Variants in SUGCT observed in about 807,000 individuals in gnomAD.
The protein encoded by SUGCT is succinyl-CoA:glutarate-CoA transferase, also known as succinyl-CoA:glutarate CoA-transferase.
Under a neutral mutation model 55.0 loss-of-function variants are expected in SUGCT, and 41 were observed. That is an observed-to-expected ratio of 0.74 (90% confidence interval 0.58 to 0.97). The LOEUF (loss-of-function observed/expected upper bound fraction) is 0.97. Among genes scored for constraint, SUGCT ranks in the 50% least tolerant of loss-of-function variants. The pLI is 0.00. For missense variants in SUGCT, 568 were observed against 547.8 expected (o/e 1.04, Z -0.37); for synonymous variants, 187 against 200.4 (o/e 0.93, Z 0.56).
At chr7:40,201,180 A>G (rs1049417583) in intron 6 of SUGCT, among the ~76,000 whole-genome samples, 3 of 152,284 alleles carry the variant, frequency 2.0e-5, no homozygotes, top group Non-Finnish European at 4.4e-5. Flanking sequence ...ATAAGAAAGG[A>G]AGGAAGAGGG....
chr7:40,504,160 TTAAAG>T (rs1254846957), intron 12 of SUGCT, among the ~76,000 whole-genome samples: 3 of 152,230 alleles, frequency 2.0e-5, no homozygotes, highest in African/African-American at 7.2e-5. Context: ...TTCTGGAGAC[TTAAAG>T]TACAGTATAG....
the SUGCT span, among the ~76,000 whole-genome samples, chr7:41,009,670 ATCCATCCGTCCT>A: frequency 2.0e-5 from 3 of 150,484 alleles, no homozygotes; most frequent in Non-Finnish European, 4.4e-5. Flanking sequence ...TCCATCCACC[ATCCATCCGTCCT>A]TCCATCCACT....
the SUGCT span, among the ~76,000 whole-genome samples, chr7:40,956,268 T>C: frequency 1.1e-4 from 17 of 152,294 alleles, 1 homozygote; most frequent in South Asian, 3.1e-3. Context: ...TGGTTTTTTT[T>C]GGTTGCTAGG....
the SUGCT span, among the ~76,000 whole-genome samples, chr7:40,902,579 C>CA: frequency 0.37 from 46,155 of 123,688 alleles, 9,259 homozygotes; most frequent in East Asian, 0.57. Context: ...GACTCCATCT[C>CA]AAAAAAAAAA....
intron 13 of SUGCT, among the ~76,000 whole-genome samples, chr7:40,818,049 C>T (rs1390450263): frequency 6.6e-6 from 1 of 152,190 alleles, no homozygotes; most frequent in East Asian, 1.9e-4. Flanking sequence ...AAACTCTACT[C>T]ATGCAACCAG....
intron 13 of SUGCT, among the ~76,000 whole-genome samples, chr7:40,830,408 T>C (rs2128777057): frequency 6.6e-6 from 1 of 152,280 alleles, no homozygotes. Flanking sequence ...GCACTAGTCA[T>C]GAAGACCCCT....
At chr7:40,444,567 T>C (rs1385507488) in intron 9 of SUGCT, among the ~76,000 whole-genome samples, 2 of 152,208 alleles carry the variant, frequency 1.3e-5, no homozygotes, top group Non-Finnish European at 2.9e-5. Context: ...TTTTGCACAT[T>C]GATTTTGTAT....
intron 9 of SUGCT, among the ~76,000 whole-genome samples, chr7:40,318,649 C>G: frequency 6.6e-6 from 1 of 152,214 alleles, no homozygotes; most frequent in Admixed American, 6.5e-5. Context: ...GTTGGCCAGA[C>G]TGGCCTCGAC....
intron 13 of SUGCT, among the ~76,000 whole-genome samples, chr7:40,753,260 G>T (rs192492084): frequency 7.9e-5 from 12 of 152,190 alleles, no homozygotes; most frequent in Non-Finnish European, 1.5e-4. Flanking sequence ...CTTTGTTGGG[G>T]ATGTTCCCAT....
At chr7:40,809,410 A>G (rs1791282476) in intron 13 of SUGCT, among the ~76,000 whole-genome samples, 1 of 152,158 alleles carries the variant, frequency 6.6e-6, no homozygotes, top group African/African-American at 2.4e-5. Flanking sequence ...TATTCTATAT[A>G]TACAAGTGTG....
intron 13 of SUGCT, among the ~76,000 whole-genome samples, chr7:40,769,980 T>A (rs1182429843): frequency 1.3e-5 from 2 of 152,188 alleles, no homozygotes; most frequent in Non-Finnish European, 2.9e-5. Flanking sequence ...TAACATTATT[T>A]CTCCTTTATT....
chr7:40,954,932 A>G, the SUGCT span, among the ~76,000 whole-genome samples: 1 of 152,166 alleles, frequency 6.6e-6, no homozygotes, highest in South Asian at 2.1e-4. Flanking sequence ...AGGTTTGTCA[A>G]AGAACAGATG....
intron 12 of SUGCT, among the ~76,000 whole-genome samples, chr7:40,683,227 A>G (rs1784328518): frequency 6.6e-6 from 1 of 152,198 alleles, no homozygotes; most frequent in African/African-American, 2.4e-5. Flanking sequence ...GAAAGTGATC[A>G]GGGCGATTTT....
intron 12 of SUGCT, among the ~76,000 whole-genome samples, chr7:40,545,330 A>G (rs750991053): frequency 2.6e-5 from 4 of 152,212 alleles, no homozygotes; most frequent in Non-Finnish European, 5.9e-5. Flanking sequence ...AGTCCTCATG[A>G]TAGAAATGTT....
Position 40,860,725 on chromosome 7 carries a change from A to AT in SUGCT, c.*251dup, listed in dbSNP as rs1216230471. 4 of 357,680 alleles carry AT rather than the reference A, an allele frequency of 1.1e-5. No homozygotes were observed. Among genetic ancestry groups the AT allele is most frequent in the Non-Finnish European group, 2.0e-5 (4 of 202,876 alleles). 22.2% of individuals were successfully genotyped at this position (357,680 alleles called of 1,614,324 possible). On this transcript the variant is annotated 3_prime_UTR_variant, in exon 14 of 14. Coordinates refer to ENST00000335693, the MANE Select transcript of SUGCT (RefSeq NM_001193313.2). ...GATGATTTCATTATGGATTTGTGGGATTTTTAAAAATAAAGTTTTAATTTT... is the reference window on the plus strand; with the variant it reads ...GATGATTTCATTATGGATTTGTGGGATTTTTTAAAAATAAAGTTTTAATTTT...
intron 12 of SUGCT, among the ~76,000 whole-genome samples, chr7:40,657,628 G>A (rs181670106): frequency 2.1e-3 from 317 of 152,116 alleles, no homozygotes; most frequent in African/African-American, 7.1e-3. Context: ...TCTGCCTCCC[G>A]GGTTCAAGCG....
At chr7:40,881,803 C>T in the SUGCT span, among the ~76,000 whole-genome samples, 1 of 152,114 alleles carries the variant, frequency 6.6e-6, no homozygotes. Context: ...TATTCTGAAG[C>T]TCTCGCTCCC....
the SUGCT span, among the ~76,000 whole-genome samples, chr7:40,892,250 A>T: frequency 3.3e-5 from 5 of 152,206 alleles, no homozygotes; most frequent in Admixed American, 6.5e-5. Flanking sequence ...GAGTTTTTAT[A>T]TGTGGTCATA....
intron 1 of SUGCT, among the ~76,000 whole-genome samples, chr7:40,150,754 T>A (rs557041643): frequency 2.0e-5 from 3 of 152,182 alleles, no homozygotes; most frequent in Non-Finnish European, 2.9e-5. Flanking sequence ...AAAACTCCGG[T>A]CTTCCGCTCA....
Sources: allele counts gnomAD v4.1 joint callset (sites outside exome capture counted in the v4.1 genomes callset), GRCh38; gene constraint gnomAD v4.1.1; transcripts MANE v1.5; gene names NCBI Gene and HGNC (gene_info 2026-07-23, HGNC 2026-07-21).